The following ZFPM2 variants were observed in gnomAD, a reference collection of about 807,000 sequenced individuals.
The protein encoded by ZFPM2 is zinc finger protein ZFPM2.
In ZFPM2, 20 loss-of-function variants were observed where a neutral mutation model predicts 98.6. The observed-to-expected ratio is 0.20, with a 90% confidence interval of 0.14 to 0.29. The LOEUF (loss-of-function observed/expected upper bound fraction) is 0.29. Ranked by LOEUF, ZFPM2 falls within the 10% of genes least tolerant of loss-of-function variation. The pLI, the probability that ZFPM2 is intolerant of heterozygous loss-of-function variation, is 1.00. For missense variants in ZFPM2, 1,310 were observed against 1,388.6 expected, an observed-to-expected ratio of 0.94 and a Z score of 0.90; for synonymous variants, 518 against 502.7, an observed-to-expected ratio of 1.03 and a Z score of -0.41.
intron 3 of ZFPM2, among the ~76,000 whole-genome samples, chr8:105,503,028 A>G (rs1420446079): frequency 6.6e-6 from 1 of 152,216 alleles, no homozygotes; most frequent in African/African-American, 2.4e-5. Flanking sequence ...AGAGAGTCCA[A>G]GTTCCAGGAA....
chr8:105,570,025 G>C (rs1024481159), intron 4 of ZFPM2, among the ~76,000 whole-genome samples: 3 of 152,128 alleles, frequency 2.0e-5, no homozygotes, highest in Admixed American at 1.3e-4. Context: ...GGTTCTAGTA[G>C]TGCAAGGACT....
intron 3 of ZFPM2, among the ~76,000 whole-genome samples, chr8:105,465,946 A>G (rs1317845170): frequency 6.6e-6 from 1 of 152,040 alleles, no homozygotes; most frequent in Non-Finnish European, 1.5e-5. Context: ...GAATTTAACA[A>G]AATTTTTCTT....
At position 105,802,439 on chromosome 8, in the gene ZFPM2, C is replaced by A. The variant is rs1814057082; in HGVS notation, c.2357C>A (p.Pro786Gln). ...GAAGGGCTAGGAGAGTGCTACCACCCAAGATGTGATATCTTTCCAGGAATT... is the reference window on the plus strand; with the variant it reads ...GAAGGGCTAGGAGAGTGCTACCACCAAAGATGTGATATCTTTCCAGGAATT... The part of the protein sequence containing the change: ...PTEGLGECYH[P>Q]RCDIFPGIVS... The change falls in exon 8 of 8, where the codon CCA becomes CAA. Residue 786 changes from proline to glutamine, a missense_variant. Physicochemically the swap from Pro to Gln is moderately conservative, Grantham distance 76 (BLOSUM62 -1). Transcript: ENST00000407775. 1 of 1,613,648 alleles carries A rather than the reference C, an allele frequency of 6.2e-7. No homozygotes were observed. Among genetic ancestry groups the A allele is most frequent in the African/African-American group, 1.3e-5 (1 of 74,926 alleles).
chr8:105,520,380 A>G (rs550835059), intron 3 of ZFPM2, among the ~76,000 whole-genome samples: 1 of 152,300 alleles, frequency 6.6e-6, no homozygotes, highest in African/African-American at 2.4e-5. Context: ...CATGCATGTC[A>G]ATTACTTACT....
At chr8:105,433,743 C>CG (rs1300768243) in intron 2 of ZFPM2, among the ~76,000 whole-genome samples, 2 of 152,116 alleles carry the variant, frequency 1.3e-5, no homozygotes, top group East Asian at 3.9e-4. Context: ...GCCGAGATCA[C>CG]GCCACTGCAC....
At chr8:105,631,201 T>C in intron 4 of ZFPM2, among the ~76,000 whole-genome samples, 1 of 152,200 alleles carries the variant, frequency 6.6e-6, no homozygotes, top group Non-Finnish European at 1.5e-5. Flanking sequence ...AAAAAATGTT[T>C]ATTGGCTTCC....
At chr8:105,381,541 A>ATAAG (rs1213572430) in intron 1 of ZFPM2, among the ~76,000 whole-genome samples, 1 of 152,106 alleles carries the variant, frequency 6.6e-6, no homozygotes, top group African/African-American at 2.4e-5. Context: ...TTCAAATCAT[A>ATAAG]TAAGTTATGG....
chr8:105,399,022 C>T (rs1346994444), intron 1 of ZFPM2, among the ~76,000 whole-genome samples: 2 of 151,990 alleles, frequency 1.3e-5, no homozygotes, highest in Non-Finnish European at 2.9e-5. Flanking sequence ...AGTGCAAAGA[C>T]CCTAAATTAG....
chr8:105,352,084 T>G (rs1251934562), intron 1 of ZFPM2, among the ~76,000 whole-genome samples: 1 of 152,184 alleles, frequency 6.6e-6, no homozygotes, highest in Non-Finnish European at 1.5e-5. Context: ...TAATTTAGAA[T>G]GAGTTTTTTA....
intron 5 of ZFPM2, among the ~76,000 whole-genome samples, chr8:105,698,053 C>T (rs766080612): frequency 6.6e-6 from 1 of 151,996 alleles, no homozygotes; most frequent in South Asian, 2.1e-4. Context: ...ATGTATTTTC[C>T]CTTGTATTTC....
chr8:105,342,085 T>C (rs942471340), intron 1 of ZFPM2, among the ~76,000 whole-genome samples: 1 of 152,044 alleles, frequency 6.6e-6, no homozygotes, highest in Non-Finnish European at 1.5e-5. Context: ...TCTTCTCAGA[T>C]AGGAATAGAT....
intron 1 of ZFPM2, among the ~76,000 whole-genome samples, chr8:105,393,597 T>C (rs77391012): frequency 0.02 from 3,063 of 152,166 alleles, 89 homozygotes; most frequent in African/African-American, 0.07. Flanking sequence ...TTTATTATTA[T>C]AACAAATCAG....
In ZFPM2 at chr8:105,801,981, T is replaced by C; in HGVS notation, c.1899T>C (p.Asp633=). The C allele has an allele frequency of 6.2e-7, 1 of 1,613,830 alleles. No individual in the cohort carries two copies. Among genetic ancestry groups the C allele is most frequent in the Non-Finnish European group, 8.5e-7 (1 of 1,179,868 alleles). Residue 633 remains aspartate, a synonymous_variant, in exon 8 of 8, where the codon GAT becomes GAC. Transcript: ENST00000407775. The part of the protein sequence containing the change: ...TSCINSSTVL[D]LIGPNGKGHD... ...GCATCAATTCTTCCACTGTCTTAGA[T>C]TTAATTGGGCCAAATGGGAAGGGCC...
chr8:105,773,735 T>C (rs1813036866), intron 5 of ZFPM2, among the ~76,000 whole-genome samples: 1 of 151,560 alleles, frequency 6.6e-6, no homozygotes, highest in African/African-American at 2.4e-5. Flanking sequence ...CCACCACCAT[T>C]TCTTTGTGAA....
intron 5 of ZFPM2, among the ~76,000 whole-genome samples, chr8:105,646,813 A>G (rs1326379996): frequency 2.6e-5 from 4 of 152,030 alleles, no homozygotes; most frequent in Non-Finnish European, 5.9e-5. Context: ...GTCCTGTCTC[A>G]TTGTTGAGAT....
At chr8:105,332,268 T>A (rs1404365402) in intron 1 of ZFPM2, among the ~76,000 whole-genome samples, 1 of 151,740 alleles carries the variant, frequency 6.6e-6, no homozygotes, top group African/African-American at 2.4e-5. Context: ...TTTGTTAGAT[T>A]ATTTACTTGT....
chr8:105,604,469 G>A (rs537693941), intron 4 of ZFPM2, among the ~76,000 whole-genome samples: 4 of 152,142 alleles, frequency 2.6e-5, no homozygotes, highest in East Asian at 1.9e-4. Context: ...CCAAGACCAT[G>A]CAATGGCTTC....
chr8:105,699,271 T>C (rs1811088357), intron 5 of ZFPM2, among the ~76,000 whole-genome samples: 1 of 152,152 alleles, frequency 6.6e-6, no homozygotes, highest in Admixed American at 6.5e-5. Flanking sequence ...GGTATTTCTC[T>C]CCTATTCTAA....
chr8:105,608,029 G>A (rs935443189), intron 4 of ZFPM2, among the ~76,000 whole-genome samples: 5 of 152,108 alleles, frequency 3.3e-5, no homozygotes, highest in Admixed American at 6.6e-5. Context: ...ATCATGTCTT[G>A]TGGGAACATG....
Sources: gnomAD v4.1 joint callset for allele counts (sites outside exome capture counted in the v4.1 genomes callset) on GRCh38, gnomAD v4.1.1 for gene constraint, MANE v1.5 for transcripts, NCBI Gene and HGNC (gene_info 2026-07-23, HGNC 2026-07-21) for gene names.